Variants in PRL observed in about 807,000 individuals in gnomAD.
PRL encodes decidual prolactin.
PRL carries 24 observed loss-of-function variants against 21.3 expected under a neutral mutation model. The ratio of observed to expected loss-of-function variants is 1.13; its 90% CI spans 0.82 to 1.59. The LOEUF (loss-of-function observed/expected upper bound fraction) is 1.59, where lower values mean the gene tolerates loss of function less well. PRL is among the 40% of genes most tolerant of loss of function. PRL has a pLI of 0.00. For missense variants in PRL, 243 were observed against 286.9 expected (o/e 0.85, Z 1.10); for synonymous variants, 118 against 115.7 (o/e 1.02, Z -0.13).
intron 1 of PRL, among the ~76,000 whole-genome samples, chr6:22,294,796 G>C (rs940741500): frequency 6.6e-6 from 1 of 152,158 alleles, no homozygotes; most frequent in Non-Finnish European, 1.5e-5. Flanking sequence ...TTTGAGAAGT[G>C]GGTTACCTCC....
Position 22,287,456 on chromosome 6 carries a change from G to C in PRL, c.630C>G (p.Ile210Met), listed in dbSNP as rs143082873. 3 of 1,613,922 alleles carry C rather than the reference G, an allele frequency of 1.9e-6. No homozygotes were observed. The highest frequency in any genetic ancestry group is 2.5e-6 in the Non-Finnish European group (3 of 1,179,982). ...LHCLRRDSHK[I>M]DNYLKLLKCR... Reference sequence around the variant, plus strand: ...ACTTCAGGAGCTTGAGATAATTGTCGATTTTATGTGAATCCCTGCGTAGGC... The same window carrying C: ...ACTTCAGGAGCTTGAGATAATTGTCCATTTTATGTGAATCCCTGCGTAGGC... The change falls in exon 5 of 5, where the codon ATC becomes ATG. Residue 210 changes from isoleucine to methionine, a missense_variant. Transcript: ENST00000306482.
rs1033777923 is a variant in PRL, at chr6:22,292,473, T to C, written c.312+65A>G. The C allele has an allele frequency of 4.2e-6, 6 of 1,437,762 alleles. No individual in the cohort carries two copies. In the African/African-American group the frequency reaches 8.4e-5, roughly 20 times the overall value. 89.1% of individuals were successfully genotyped at this position (1,437,762 alleles called of 1,614,324 possible). Reference sequence around the variant, plus strand: ...TTACCACTAGCTATTACAGCACCTATCACCATGATAATACCCATATACTGC... The same window carrying C: ...TTACCACTAGCTATTACAGCACCTACCACCATGATAATACCCATATACTGC... On this transcript the variant is annotated intron_variant, in intron 3 of 4. Transcript: ENST00000306482.
At chr6:22,293,927 G>A (rs1761117950) in intron 2 of PRL, among the ~76,000 whole-genome samples, 1 of 152,112 alleles carries the variant, frequency 6.6e-6, no homozygotes, top group Non-Finnish European at 1.5e-5. Flanking sequence ...TAGCATTTTG[G>A]GGTTTTTGAA....
chr6:22,290,258 G>C lies in PRL; in HGVS notation c.408C>G (p.Ala136=), dbSNP rs1296235633. The change falls in exon 4 of 5, where the codon GCC becomes GCG. Residue 136 remains alanine (A), a synonymous_variant. Transcript: ENST00000306482. ...CAGCTTTGGATAGGATAGCCTCCGG[G>C]GCTTCTTGCATACCACGTACTTCCG... ...LVTEVRGMQE[A]PEAILSKAVE... 6.2e-7 allele frequency: 1 copy of C among 1,613,014 alleles called. No individual in the cohort carries two copies. The highest frequency in any genetic ancestry group is 8.5e-7 in the Non-Finnish European group (1 of 1,179,200).
intron 2 of PRL, 112 bp from the exon 3 acceptor site, chr6:22,292,757 A>G (rs1416534768): frequency 6.2e-6 from 5 of 806,034 alleles, no homozygotes; most frequent in East Asian, 2.9e-5. Context: ...AAAAAATTAG[A>G]GCTACATAAA....
At chr6:22,302,473 G>A (rs1761300721), upstream of PRL, among the ~76,000 whole-genome samples, 1 of 152,220 alleles carries the variant, frequency 6.6e-6, no homozygotes, top group African/African-American at 2.4e-5. Context: ...TTATGTACAA[G>A]TGACATATCT....
chr6:22,297,214 C>T, upstream of PRL: 1 of 554,624 alleles, frequency 1.8e-6, no homozygotes, highest in Non-Finnish European at 3.2e-6. Context: ...ACATACTGGC[C>T]AGAAATGAAC....
chr6:22,288,897 TGTGTGCGC>T lies in PRL; in HGVS notation c.492+1269_492+1276del. ...GTATGCGCGTGCGCGTGTGTGTGCG[TGTGTGCGC>T]GCGCGTGTGTGTGCGTGCGCGTGTG... On this transcript the variant is annotated intron_variant, in intron 4 of 4. Coordinates refer to ENST00000306482, the MANE Select transcript of PRL (RefSeq NM_000948.6). This position sits in a 1 kb window ranked among gnomAD's most constrained non-coding sequence, Gnocchi z 4.5. 6.7e-6 allele frequency among the ~76,000 whole-genome samples: 1 copy of T among 149,862 alleles called. No homozygotes were observed. The highest frequency in any genetic ancestry group is 6.6e-5 in the Admixed American group (1 of 15,136).
chr6:22,289,621 C>T (rs941904097), intron 4 of PRL, among the ~76,000 whole-genome samples: 1 of 152,174 alleles, frequency 6.6e-6, no homozygotes, highest in African/African-American at 2.4e-5. Context: ...CCTGCAATCT[C>T]GTGCTTGTGG....
chr6:22,291,144 C>T (rs1445065605), intron 3 of PRL, among the ~76,000 whole-genome samples: 1 of 152,070 alleles, frequency 6.6e-6, no homozygotes, highest in African/African-American at 2.4e-5. Context: ...TGTCCGTGAA[C>T]TAGTCTAGTG....
At chr6:22,291,078 G>A (rs1761039704) in intron 3 of PRL, 1 of 152,160 alleles carries the variant, frequency 6.6e-6, no homozygotes, top group Non-Finnish European at 1.5e-5. Context: ...TACCACGATC[G>A]TGTAGGAGAC....
rs1257813731 is a variant in PRL at position 22,288,893 on chromosome 6, TGCGTGTGTGC to T, written c.492+1271_492+1280del. 6.6e-6 allele frequency among the ~76,000 whole-genome samples: 1 copy of T among 151,964 alleles called. No homozygotes were observed. ...GTGTGTATGCGCGTGCGCGTGTGTG[TGCGTGTGTGC>T]GCGCGCGTGTGTGTGCGTGCGCGTG... On this transcript the variant is annotated intron_variant, in intron 4 of 4. Transcript: ENST00000306482. The surrounding 1 kb of genome is among the most constrained non-coding windows in gnomAD (Gnocchi z 4.5).
intron 2 of PRL, among the ~76,000 whole-genome samples, chr6:22,293,646 GGAAGGAAGGAAGGAAGGAAGGAA>G: frequency 1.9e-5 from 1 of 53,436 alleles, no homozygotes; most frequent in African/African-American, 7.3e-5. Context: ...AAGGAAGGAA[GGAAGGAAGGAAGGAAGGAAGGAA>G]GGAGGGAAGG....
rs148616047 is a variant in PRL, at chr6:22,295,237, A to G, written c.29-653T>C. Among the ~76,000 whole-genome samples the G allele has an allele frequency of 7.5e-3, 1,140 of 152,272 alleles. 9 individuals are homozygous for G. Among genetic ancestry groups the G allele is most frequent in the African/African-American group, 0.026 (1,065 of 41,550 alleles). On this transcript the variant is annotated intron_variant, in intron 1 of 4. Coordinates refer to ENST00000306482, the MANE Select transcript of PRL (RefSeq NM_000948.6). ...ATTTGAGCTTCATAATAACCTTGTG[A>G]GATACACTGGGCCTTTGTAATTATC...
At chr6:22,293,244 G>A (rs1761091572) in intron 2 of PRL, among the ~76,000 whole-genome samples, 1 of 151,960 alleles carries the variant, frequency 6.6e-6, no homozygotes, top group Admixed American at 6.6e-5. Context: ...ACAATTTTAG[G>A]AAATATAAAC....
upstream of PRL, among the ~76,000 whole-genome samples, chr6:22,302,462 CTTATG>C (rs1195863242): frequency 6.6e-6 from 1 of 152,060 alleles, no homozygotes; most frequent in East Asian, 1.9e-4. Context: ...CAATTAAATG[CTTATG>C]TACAAGTGAC....
Position 22,287,457 on chromosome 6 carries a change from A to G in PRL, c.629T>C (p.Ile210Thr), listed in dbSNP as rs1165721215. Residue 210 changes from isoleucine to threonine, a missense_variant, in exon 5 of 5, where the codon ATC (isoleucine) becomes ACC (threonine). Physicochemically the swap from Ile to Thr is moderately conservative, Grantham distance 89. Coordinates refer to ENST00000306482, the MANE Select transcript of PRL (RefSeq NM_000948.6). Reference protein sequence around the residue: ...LHCLRRDSHKIDNYLKLLKCR... With the variant: ...LHCLRRDSHKTDNYLKLLKCR... ...CTTCAGGAGCTTGAGATAATTGTCGATTTTATGTGAATCCCTGCGTAGGCA... is the reference window on the plus strand; with the variant it reads ...CTTCAGGAGCTTGAGATAATTGTCGGTTTTATGTGAATCCCTGCGTAGGCA... The G allele has an allele frequency of 6.2e-7, 1 of 1,614,068 alleles. No homozygotes were observed. The highest frequency in any genetic ancestry group is 8.5e-7 in the Non-Finnish European group (1 of 1,179,984).
intron 4 of PRL, 45 bp from the exon 5 acceptor site, chr6:22,287,638 A>G (rs113287247): frequency 1.4e-6 from 2 of 1,458,326 alleles, no homozygotes; most frequent in African/African-American, 1.4e-5. Flanking sequence ...TATTATTAGT[A>G]TTTGTATGTC....
intron 1 of PRL, 135 bp from the exon 2 acceptor site, chr6:22,294,719 G>A (rs368927666): frequency 7.5e-6 from 7 of 938,522 alleles, no homozygotes; most frequent in East Asian, 2.7e-5. Flanking sequence ...TGGCTGGGAT[G>A]GGGGAAGAAC....
Sources: allele counts gnomAD v4.1 joint callset (sites outside exome capture counted in the v4.1 genomes callset), GRCh38; gene constraint gnomAD v4.1.1; non-coding constraint Gnocchi (gnomAD v3.1); transcripts MANE v1.5; gene names NCBI Gene and HGNC (gene_info 2026-07-23, HGNC 2026-07-21).